Variants in HDAC7 observed in about 807,000 individuals in gnomAD.
HDAC7 encodes the protein histone deacetylase 7, also known as histone deacetylase 7A.
Under a neutral mutation model 115.5 loss-of-function variants are expected in HDAC7, and 26 were observed. That is an observed-to-expected ratio of 0.23 (90% CI 0.16 to 0.31). The LOEUF (loss-of-function observed/expected upper bound fraction) is 0.31, where lower values mean the gene tolerates loss of function less well. Among genes scored for constraint, HDAC7 ranks in the 10% least tolerant of loss-of-function variants. The pLI is 1.00. For missense variants in HDAC7, 1,068 were observed against 1,329.0 expected, an observed-to-expected ratio of 0.80 and a Z score of 3.05; for synonymous variants, 564 against 550.9, an observed-to-expected ratio of 1.02 and a Z score of -0.33.
At chr12:47,821,134 G>A (rs1174480662), upstream of HDAC7, among the ~76,000 whole-genome samples, 2 of 152,106 alleles carry the variant, frequency 1.3e-5, no homozygotes, top group Admixed American at 6.5e-5. Flanking sequence ...TCTATCTCCC[G>A]CAATCCTAAG....
chr12:47,811,868 C>T (rs1317364722), intron 1 of HDAC7, among the ~76,000 whole-genome samples: 1 of 152,216 alleles, frequency 6.6e-6, no homozygotes, highest in Non-Finnish European at 1.5e-5. Context: ...GAGCTGGGCA[C>T]AAAGTCAGGA....
intron 1 of HDAC7, among the ~76,000 whole-genome samples, chr12:47,809,253 G>A (rs1592692261): frequency 6.6e-6 from 1 of 151,882 alleles, no homozygotes; most frequent in African/African-American, 2.4e-5. Flanking sequence ...CAGCTCCTGG[G>A]CCCTCCTCAT....
chr12:47,793,393 C>A lies in HDAC7; in HGVS notation c.1654G>T (p.Ala552Ser), dbSNP rs866216308. 1 of 1,410,918 alleles carries A rather than the reference C, an allele frequency of 7.1e-7. No homozygotes were observed. Among genetic ancestry groups the A allele is most frequent in the East Asian group, 3.3e-5 (1 of 30,208 alleles). The allele number at this position is 1,410,918 out of a possible 1,614,324, so 87.4% of individuals were successfully genotyped here. A position where few individuals can be genotyped will look rare whatever the true frequency, so the allele number is the denominator to read the frequency against. ...CCTGTGGTGAAGGGCAGGGTCCTGG[C>A]AGGGGTCTCTGAGCTGGAGAGGACT... ...ARVLSSSETP[A>S]RTLPFTTGLI... Residue 552 changes from alanine (A) to serine (S), a missense_variant, in exon 13 of 26, where the codon GCC (alanine) becomes TCC (serine). Around this residue, in one of 6 missense-constraint regions of HDAC7, gnomAD observed 618 missense variants for 701.5 expected, o/e 0.88. Coordinates refer to ENST00000080059, the MANE Select transcript of HDAC7 (RefSeq NM_015401.5). The surrounding 1 kb of genome is among the most constrained non-coding windows in gnomAD (Gnocchi z 4.5).
intron 24 of HDAC7, chr12:47,784,723 C>A (rs953162544): frequency 2.0e-6 from 3 of 1,535,466 alleles, no homozygotes; most frequent in Admixed American, 3.9e-5. Flanking sequence ...GCATGGGTGC[C>A]CAGGCCAGGA....
intron 12 of HDAC7, among the ~76,000 whole-genome samples, chr12:47,794,344 C>T (rs199586183): frequency 2.6e-5 from 4 of 152,254 alleles, no homozygotes; most frequent in African/African-American, 7.2e-5. Flanking sequence ...CCAACAGCTC[C>T]GGCAAGCTAA....
Position 47,785,956 on chromosome 12 carries a change from T to G in HDAC7, c.2573-71A>C. The G allele has an allele frequency of 2.1e-6, 3 of 1,429,746 alleles. No homozygotes were observed. In the South Asian group the frequency reaches 4.3e-5, roughly 21 times the overall value. 88.6% of individuals were successfully genotyped at this position (1,429,746 alleles called of 1,614,324 possible). A position where few individuals can be genotyped will look rare whatever the true frequency, so the allele number is the denominator to read the frequency against. ...TGACCCTGTTCTCTACCCCTGTGGCTTCCCTGCTTGCTTCCTCCCTAATAA... is the reference window on the plus strand; with the variant it reads ...TGACCCTGTTCTCTACCCCTGTGGCGTCCCTGCTTGCTTCCTCCCTAATAA... On this transcript the variant is annotated intron_variant, in intron 22 of 25. Coordinates refer to ENST00000080059, the MANE Select transcript of HDAC7 (RefSeq NM_015401.5).
chr12:47,785,714 C>T (rs1171099863), intron 23 of HDAC7, 38 bp downstream of exon 23: 1 of 1,583,626 alleles, frequency 6.3e-7, no homozygotes, highest in Non-Finnish European at 8.6e-7. Context: ...GGCTTACCTG[C>T]CTGACAGAAG....
In HDAC7 at chr12:47,798,829, A is replaced by C. The variant is rs1270248191; in HGVS notation, c.214T>G (p.Phe72Val). Residue 72 changes from phenylalanine to valine, a missense_variant, in exon 3 of 26, where the codon TTC (phenylalanine) becomes GTC (valine). Phe to Val is a conservative substitution (Grantham distance 50, BLOSUM62 -1). Coordinates refer to ENST00000080059, the MANE Select transcript of HDAC7 (RefSeq NM_015401.5). The surrounding 1 kb of genome is among the most constrained non-coding windows in gnomAD (Gnocchi z 4.3). ...CGCTGCTGCTGCAGGCCTGCTAGGAAGAGGTGGTGGTGCAGGCGCTGGGGA... is the reference window on the plus strand; with the variant it reads ...CGCTGCTGCTGCAGGCCTGCTAGGACGAGGTGGTGGTGCAGGCGCTGGGGA... Reference protein sequence around the residue: ...QRPQRLHHHLFLAGLQQQRSV... With the variant: ...QRPQRLHHHLVLAGLQQQRSV... The C allele has an allele frequency of 6.4e-7, 1 of 1,559,902 alleles. No individual in the cohort carries two copies. Among genetic ancestry groups the C allele is most frequent in the African/African-American group, 1.4e-5 (1 of 73,588 alleles).
chr12:47,815,207 G>A (rs1176849646), intron 1 of HDAC7, among the ~76,000 whole-genome samples: 1 of 152,184 alleles, frequency 6.6e-6, no homozygotes, highest in Non-Finnish European at 1.5e-5. Flanking sequence ...GCAGCAGAAT[G>A]TAGCAAGAAG....
In HDAC7 at chr12:47,793,361, G is replaced by A. The variant is rs371980020; in HGVS notation, c.1678+8C>T. 3.4e-4 allele frequency: 211 copies of A among 629,586 alleles called. 2 individuals are homozygous for A. The highest frequency in any genetic ancestry group is 2.8e-3 in the Middle Eastern group (5 of 1,816). The allele number at this position is 629,586 out of a possible 1,614,324, so 39.0% of individuals were successfully genotyped here. On this transcript the variant is annotated splice_region_variant and intron_variant, in intron 13 of 25. Coordinates refer to ENST00000080059, the MANE Select transcript of HDAC7 (RefSeq NM_015401.5). The surrounding 1 kb of genome is among the most constrained non-coding windows in gnomAD (Gnocchi z 4.5). ...TCCCTCCACCCGCCACCCTCCTCCC[G>A]GTCTCACCTGTGGTGAAGGGCAGGG...
intron 1 of HDAC7, among the ~76,000 whole-genome samples, chr12:47,804,461 G>T (rs1944305551): frequency 6.6e-6 from 1 of 151,564 alleles, no homozygotes; most frequent in Non-Finnish European, 1.5e-5. Flanking sequence ...GCTTGAGTGT[G>T]GGACCTCTTT....
At chr12:47,815,768 T>A (rs935963542) in intron 1 of HDAC7, among the ~76,000 whole-genome samples, 1 of 151,670 alleles carries the variant, frequency 6.6e-6, no homozygotes, top group Non-Finnish European at 1.5e-5. Flanking sequence ...TGCGCCACCA[T>A]GCCTGGCTAA....
At chr12:47,813,948 G>A (rs1382259693) in intron 1 of HDAC7, among the ~76,000 whole-genome samples, 1 of 152,246 alleles carries the variant, frequency 6.6e-6, no homozygotes, top group Non-Finnish European at 1.5e-5. Flanking sequence ...GAGAGGGGCT[G>A]AGGCCTGCTG....
Position 47,796,171 on chromosome 12 carries a change from C to T in HDAC7, c.795+36G>A, listed in dbSNP as rs200834522. ...GCTGGAAGAAGGCTGAGCCTCAGAA[C>T]TGCCCCAGGAGAGCCCAGTCTCGGC... On this transcript the variant is annotated intron_variant, in intron 8 of 25. Transcript: ENST00000080059. 36 of 1,579,052 alleles carry T rather than the reference C, an allele frequency of 2.3e-5. No individual in the cohort carries two copies. The Admixed American group carries it at 5.8e-4, about 25-fold the overall frequency.
chr12:47,793,611 G>A lies in HDAC7; in HGVS notation c.1459-23C>T, dbSNP rs1271461187. The A allele has an allele frequency of 2.0e-6, 3 of 1,511,660 alleles. No individual in the cohort carries two copies. Among genetic ancestry groups the A allele is most frequent in the Non-Finnish European group, 2.7e-6 (3 of 1,122,242 alleles). 93.6% of individuals were successfully genotyped at this position (1,511,660 alleles called of 1,614,324 possible). The stretch of plus-strand genomic sequence containing the variant: ...CACCTAGGGGAAAGATGGGGCCTTG[G>A]TCTCCAGTGTTTCAGGGTCCTGCTC... On this transcript the variant is annotated intron_variant, in intron 12 of 25. Transcript: ENST00000080059. The surrounding 1 kb of genome is among the most constrained non-coding windows in gnomAD (Gnocchi z 4.5).
At position 47,787,193 on chromosome 12, in the gene HDAC7, G is replaced by T. The variant is rs557057410; in HGVS notation, c.2454-490C>A. 2.0e-5 allele frequency among the ~76,000 whole-genome samples: 3 copies of T among 151,698 alleles called. No homozygotes were observed. In the East Asian group the frequency reaches 5.9e-4, roughly 30 times the overall value. Reference sequence around the variant, plus strand: ...GTAGGGGACAACTAGGTCCTCTGAGGTTCTGCGCCACCTGGCTACATTCTC... The same window carrying T: ...GTAGGGGACAACTAGGTCCTCTGAGTTTCTGCGCCACCTGGCTACATTCTC... On this transcript the variant is annotated intron_variant, in intron 21 of 25. Coordinates refer to ENST00000080059, the MANE Select transcript of HDAC7 (RefSeq NM_015401.5).
intron 1 of HDAC7, among the ~76,000 whole-genome samples, chr12:47,816,728 A>G (rs1352252986): frequency 6.6e-6 from 1 of 150,752 alleles, no homozygotes; most frequent in East Asian, 2.0e-4. Context: ...CCCAGGCAGC[A>G]TGCTACCCAC....
rs535181446 is a variant in HDAC7, at chr12:47,792,581, G to A, written c.1679-577C>T. 4 of 452,968 alleles carry A rather than the reference G, an allele frequency of 8.8e-6. No homozygotes were observed. The East Asian group carries it at 2.8e-4, about 32-fold the overall frequency. The allele number at this position is 452,968 out of a possible 1,614,324, so 28.1% of individuals were successfully genotyped here. ...GGAGGGTCCTGCTCATTGCGGGTGG[G>A]AGGGTCAATTTCTGTGCGTCTAGGA... On this transcript the variant is annotated intron_variant, in intron 13 of 25. Transcript: ENST00000080059.
In HDAC7 at chr12:47,794,857, C is replaced by A. The variant is rs764275489; in HGVS notation, c.1361G>T (p.Gly454Val). The A allele has an allele frequency of 1.8e-5, 29 of 1,613,370 alleles. No homozygotes were observed. In the South Asian group the frequency reaches 2.9e-4, roughly 16 times the overall value. The change falls in exon 12 of 26, where the codon GGA becomes GTA. Residue 454 changes from glycine to valine, a missense_variant. By Grantham distance (109) the Gly-to-Val change is moderately radical. Coordinates refer to ENST00000080059, the MANE Select transcript of HDAC7 (RefSeq NM_015401.5). ...GCCATCGTCCACCACCTGGCCCGGT[C>A]CCCCGCCATCTGTCTCCAGGTCTTC... ...SAEDLETDGGGPGQVVDDGLE... is the reference protein window; with the variant it reads ...SAEDLETDGGVPGQVVDDGLE...
Sources: gnomAD v4.1 joint callset for allele counts (sites outside exome capture counted in the v4.1 genomes callset) on GRCh38, gnomAD v4.1.1 for gene constraint, gnomAD v4.1.1 regional missense constraint, Gnocchi (gnomAD v3.1) non-coding constraint, MANE v1.5 for transcripts, NCBI Gene and HGNC (gene_info 2026-07-23, HGNC 2026-07-21) for gene names.